The following KCNIP4 variants were observed in gnomAD, a reference collection of about 807,000 sequenced individuals.
KCNIP4 encodes the protein potassium voltage-gated channel interacting protein 4.
KCNIP4 carries 12 observed loss-of-function variants against 34.0 expected under a neutral mutation model. That is an observed-to-expected ratio of 0.35 (90% CI 0.23 to 0.57). The LOEUF is 0.57. Ranked by LOEUF, KCNIP4 falls within the 20% of genes least tolerant of loss-of-function variation. The pLI is 0.83. For missense variants in KCNIP4, 238 were observed against 311.7 expected (o/e 0.76, Z 1.78); for synonymous variants, 124 against 102.2 (o/e 1.21, Z -1.29).
chr4:20,928,737 A>T (rs769235423), intron 1 of KCNIP4, among the ~76,000 whole-genome samples: 2 of 151,984 alleles, frequency 1.3e-5, no homozygotes, highest in Non-Finnish European at 2.9e-5. Context: ...AAAAGACTCA[A>T]ATAAATAAAA....
chr4:21,590,166 A>AGTGAATAGCTAG (rs1742079326), intron 1 of KCNIP4, among the ~76,000 whole-genome samples: 1 of 151,966 alleles, frequency 6.6e-6, no homozygotes, highest in Non-Finnish European at 1.5e-5. Flanking sequence ...CTAGAGGAGG[A>AGTGAATAGCTAG]GTGAATAGCT....
intron 3 of KCNIP4, among the ~76,000 whole-genome samples, chr4:20,779,288 G>A (rs1407974474): frequency 3.3e-5 from 5 of 152,072 alleles, no homozygotes; most frequent in Admixed American, 2.6e-4. Context: ...CTGTAAGGAT[G>A]TATAGGCATG....
intron 1 of KCNIP4, among the ~76,000 whole-genome samples, chr4:21,130,688 T>C (rs1031290600): frequency 6.6e-6 from 1 of 152,222 alleles, no homozygotes; most frequent in African/African-American, 2.4e-5. Context: ...TGGGTACTTG[T>C]CCTGGCTGTG....
intron 1 of KCNIP4, among the ~76,000 whole-genome samples, chr4:21,496,446 A>G (rs367762954): frequency 6.6e-6 from 1 of 152,194 alleles, no homozygotes; most frequent in Non-Finnish European, 1.5e-5. Flanking sequence ...GTTTAGCCCA[A>G]TTCTAATGAC....
chr4:21,064,639 T>C (rs746818806), intron 1 of KCNIP4, among the ~76,000 whole-genome samples: 1 of 152,116 alleles, frequency 6.6e-6, no homozygotes, highest in Non-Finnish European at 1.5e-5. Flanking sequence ...AAAGAACTTA[T>C]ATAGAAGGGA....
intron 1 of KCNIP4, among the ~76,000 whole-genome samples, chr4:21,457,129 T>C (rs533743477): frequency 6.6e-6 from 1 of 152,152 alleles, no homozygotes; most frequent in Non-Finnish European, 1.5e-5. Flanking sequence ...ATTGAGGAAA[T>C]CTTTCATTTA....
At chr4:21,413,560 C>G (rs1274686068) in intron 1 of KCNIP4, among the ~76,000 whole-genome samples, 1 of 152,202 alleles carries the variant, frequency 6.6e-6, no homozygotes, top group Non-Finnish European at 1.5e-5. Flanking sequence ...GCTCATACAG[C>G]ACTCATCCCA....
intron 1 of KCNIP4, among the ~76,000 whole-genome samples, chr4:21,524,707 A>G (rs765080674): frequency 5.3e-5 from 8 of 151,782 alleles, no homozygotes; most frequent in Non-Finnish European, 1.2e-4. Flanking sequence ...CCTATCACTT[A>G]TTTTTTGAAA....
At chr4:21,312,952 T>C (rs536580171) in intron 1 of KCNIP4, among the ~76,000 whole-genome samples, 3 of 152,340 alleles carry the variant, frequency 2.0e-5, no homozygotes, top group African/African-American at 4.8e-5. Context: ...AATTGATAGA[T>C]ACAAATGTTC....
intron 1 of KCNIP4, among the ~76,000 whole-genome samples, chr4:21,617,785 T>C (rs1483931003): frequency 6.6e-6 from 1 of 152,196 alleles, no homozygotes; most frequent in Non-Finnish European, 1.5e-5. Context: ...GGATCTGGGC[T>C]GTTTCAAACA....
intron 1 of KCNIP4, among the ~76,000 whole-genome samples, chr4:21,428,452 A>T (rs927108769): frequency 2.6e-5 from 4 of 152,190 alleles, no homozygotes; most frequent in Non-Finnish European, 5.9e-5. Flanking sequence ...AGAATAATTC[A>T]TATGACTTCA....
intron 1 of KCNIP4, among the ~76,000 whole-genome samples, chr4:21,506,026 C>G: frequency 6.6e-6 from 1 of 152,112 alleles, no homozygotes. Flanking sequence ...TCAATTGAAC[C>G]TGGGAGGCAG....
At chr4:21,611,681 A>G (rs892051518) in intron 1 of KCNIP4, among the ~76,000 whole-genome samples, 4 of 151,868 alleles carry the variant, frequency 2.6e-5, no homozygotes, top group African/African-American at 7.3e-5. Flanking sequence ...TTTTCCTTTC[A>G]TCATGGCAAG....
intron 4 of KCNIP4, among the ~76,000 whole-genome samples, chr4:20,757,330 C>T (rs1400334108): frequency 6.6e-6 from 1 of 152,174 alleles, no homozygotes; most frequent in Admixed American, 6.6e-5. Flanking sequence ...TAATTAGTCT[C>T]CCTGCCTGCA....
At chr4:21,618,491 T>C (rs1744752618) in intron 1 of KCNIP4, among the ~76,000 whole-genome samples, 1 of 152,136 alleles carries the variant, frequency 6.6e-6, no homozygotes, top group South Asian at 2.1e-4. Flanking sequence ...GCTACCTTTC[T>C]AGTTGGAGAG....
At chr4:20,823,925 T>C (rs998259523) in intron 3 of KCNIP4, among the ~76,000 whole-genome samples, 2 of 152,152 alleles carry the variant, frequency 1.3e-5, no homozygotes, top group Non-Finnish European at 2.9e-5. Context: ...ATGGGTAGCA[T>C]AGAATAGTGG....
intron 1 of KCNIP4, among the ~76,000 whole-genome samples, chr4:21,272,334 T>C (rs1379159127): frequency 6.6e-6 from 1 of 152,346 alleles, no homozygotes; most frequent in East Asian, 1.9e-4. Context: ...TTTATTCATA[T>C]ATAAAAACAA....
At chr4:21,647,869 T>A (rs1410755821) in intron 1 of KCNIP4, among the ~76,000 whole-genome samples, 1 of 131,748 alleles carries the variant, frequency 7.6e-6, no homozygotes, top group Non-Finnish European at 1.6e-5. Flanking sequence ...GATGCTTTTT[T>A]TTTTTTTTTT....
chr4:21,544,352 T>C (rs917807871), intron 1 of KCNIP4: 1 of 152,062 alleles, frequency 6.6e-6, no homozygotes, highest in Admixed American at 6.6e-5. Context: ...TTACCAAAAA[T>C]TGAGTAGTTT....
Sources: gnomAD v4.1 joint callset for allele counts (sites outside exome capture counted in the v4.1 genomes callset) on GRCh38, gnomAD v4.1.1 for gene constraint, MANE v1.5 for transcripts, NCBI Gene and HGNC (gene_info 2026-07-23, HGNC 2026-07-21) for gene names.